The following YARS2 variants were observed in gnomAD, a reference collection of about 807,000 sequenced individuals.
The protein encoded by YARS2 is tyrosine--tRNA ligase, mitochondrial.
A neutral mutation model predicts 45.0 loss-of-function variants in YARS2; 38 were observed. The observed-to-expected ratio is 0.84, with a 90% CI of 0.65 to 1.11. The LOEUF (loss-of-function observed/expected upper bound fraction) is 1.11. Among genes scored for constraint, YARS2 ranks in the 50% least tolerant of loss-of-function variants. YARS2 has a pLI of 0.00. For synonymous variants in YARS2, 287 were observed against 245.1 expected (o/e 1.17, Z -1.60); for missense variants, 602 against 599.8 (o/e 1.00, Z -0.04).
chr12:32,755,303 C>A lies in YARS2; in HGVS notation c.572G>T (p.Gly191Val), dbSNP rs11539445. The change falls in exon 1 of 5, where the codon GGT becomes GTT. Residue 191 changes from glycine to valine, a missense_variant. Physicochemically the swap from Gly to Val is moderately radical, Grantham distance 109. Transcript: ENST00000324868. ...CAGCAGCGTCCCCATGCGGAAGTGA[C>A]CCCCCACTGCCGCCAGGAAGTCCAC... ...HLVDFLAAVG[G>V]HFRMGTLLSR... 0.13 allele frequency: 217,629 copies of A among 1,613,962 alleles called. 15,104 individuals carry two copies. The highest frequency in any genetic ancestry group is 0.18 in the Middle Eastern group (1,092 of 6,060).
rs1955705399 is a variant in YARS2 at position 32,749,884 on chromosome 12, C to A, written c.1274+53G>T. ...GAGCCACTTCTCCTGGCCTTGTGAA[C>A]TGTAACATTTAATGGTGAATTAACT... On this transcript the variant is annotated intron_variant, in intron 4 of 4. Transcript: ENST00000324868. 7 of 1,604,714 alleles carry A rather than the reference C, an allele frequency of 4.4e-6. 1 individual carries two copies. In the South Asian group the frequency reaches 5.5e-5, roughly 13 times the overall value.
chr12:32,752,745 A>AT, intron 2 of YARS2: 2 of 258,710 alleles, frequency 7.7e-6, no homozygotes, highest in Non-Finnish European at 1.5e-5. Flanking sequence ...TGCCTCAAAA[A>AT]AAAAAAAAAA....
In YARS2 at chr12:32,750,062, G is replaced by T; in HGVS notation, c.1149C>A (p.Val383=). The T allele has an allele frequency of 6.2e-7, 1 of 1,614,068 alleles. No individual in the cohort carries two copies. The highest frequency in any genetic ancestry group is 1.1e-5 in the South Asian group (1 of 91,060). Residue 383 remains valine, a synonymous_variant, in exon 4 of 5, where the codon GTC becomes GTA. Coordinates refer to ENST00000324868, the MANE Select transcript of YARS2 (RefSeq NM_001040436.3). ...LYHSSIDALE[V]MSDQELKELF... ...ACTCTTTTAACTCCTGATCAGACAT[G>T]ACCTCCAGTGCATCTATGCTACTGT... is the stretch of plus-strand genomic sequence containing the variant.
chr12:32,747,426 A>C (rs1006989781), intron 4 of YARS2, 63 bp from the exon 5 acceptor site: 4 of 1,560,794 alleles, frequency 2.6e-6, no homozygotes, highest in South Asian at 1.1e-5. Flanking sequence ...TCCCCCAAAA[A>C]AGACTGTTTC....
Position 32,755,866 on chromosome 12 carries a change from C to T in YARS2, c.9G>A (p.Ala3=), listed in dbSNP as rs748598977. The T allele has an allele frequency of 6.2e-7, 1 of 1,613,148 alleles. No homozygotes were observed. The highest frequency in any genetic ancestry group is 8.5e-7 in the Non-Finnish European group (1 of 1,180,024). The stretch of plus-strand genomic sequence containing the variant: ...CCCAGGAAAAGGACCGCAAGATGGG[C>T]GCCGCCATCTTGGTAGCGGCACGAA... MA[A]PILRSFSWGR... is the part of the protein sequence containing the mutation. Residue 3 remains alanine, a synonymous_variant, in exon 1 of 5, where the codon GCG becomes GCA. Coordinates refer to ENST00000324868, the MANE Select transcript of YARS2 (RefSeq NM_001040436.3).
intron 2 of YARS2, among the ~76,000 whole-genome samples, chr12:32,751,775 TG>T (rs533614562): frequency 1.0e-3 from 159 of 152,282 alleles, no homozygotes; most frequent in Non-Finnish European, 2.0e-3. Flanking sequence ...TGTGCTCCTA[TG>T]AGAATCTAAT....
In YARS2 at chr12:32,750,835, A is replaced by C. The variant is rs774823989; in HGVS notation, c.987T>G (p.Ile329Met). ...KLFTFLPLPE[I>M]DHIMQLHVKE... is the part of the protein sequence containing the mutation. Reference sequence around the variant, plus strand: ...TGACATGCAGCTGCATGATATGATCAATCTCTGGAAGGGGCAGGAAAGTGA... The same window carrying C: ...TGACATGCAGCTGCATGATATGATCCATCTCTGGAAGGGGCAGGAAAGTGA... The change falls in exon 3 of 5, where the codon ATT becomes ATG. Residue 329 changes from isoleucine to methionine, a missense_variant. By Grantham distance (10) the Ile-to-Met change is conservative. Coordinates refer to ENST00000324868, the MANE Select transcript of YARS2 (RefSeq NM_001040436.3). 7.4e-6 allele frequency: 12 copies of C among 1,614,020 alleles called. No homozygotes were observed. Among genetic ancestry groups the C allele is most frequent in the South Asian group, 5.5e-5 (5 of 91,090 alleles).
At chr12:32,749,812 C>T (rs1445239068) in intron 4 of YARS2, 125 bp downstream of exon 4, 13 of 1,095,186 alleles carry the variant, frequency 1.2e-5, no homozygotes, top group East Asian at 4.8e-5. Context: ...CTCCTGACCT[C>T]GTGATCTGCC....
intron 4 of YARS2, 79 bp downstream of exon 4, chr12:32,749,858 T>A: frequency 6.4e-7 from 1 of 1,555,828 alleles, no homozygotes; most frequent in East Asian, 2.2e-5. Context: ...ATTACAGGCA[T>A]GAGCCACTTC....
intron 2 of YARS2, 85 bp from the exon 3 acceptor site, chr12:32,750,959 C>T: frequency 6.7e-7 from 1 of 1,495,630 alleles, no homozygotes; most frequent in Non-Finnish European, 9.1e-7. Flanking sequence ...GGTTATCCTG[C>T]TTACTTTTAA....
rs146592186 is a variant in YARS2 at position 32,750,874 on chromosome 12, C to A, written c.948G>T (p.Arg316Ser). The A allele has an allele frequency of 3.2e-5, 51 of 1,613,632 alleles. No individual in the cohort carries two copies. Among genetic ancestry groups the A allele is most frequent in the Non-Finnish European group, 4.2e-5 (50 of 1,179,928 alleles). ...FVRQPDDSVE[R>S]YLKLFTFLPL... ...GCAGGAAAGTGAACAGCTTCAGGTA[C>A]CTTTGAGACAAAAAATAAAGAGTTA... Residue 316 changes from arginine (R) to serine (S), a missense_variant and splice_region_variant, in exon 3 of 5, where the codon AGG (arginine) becomes AGT (serine). Arg to Ser is a moderately radical substitution (Grantham distance 110). Transcript: ENST00000324868.
chr12:32,754,992 A>C, intron 1 of YARS2, 104 bp downstream of exon 1: 1 of 1,455,140 alleles, frequency 6.9e-7, no homozygotes, highest in South Asian at 1.1e-5. Flanking sequence ...AACCAACAAG[A>C]GCTGGAACGA....
At chr12:32,749,285 T>C (rs184485183) in intron 4 of YARS2, among the ~76,000 whole-genome samples, 779 of 152,306 alleles carry the variant, frequency 5.1e-3, no homozygotes, top group Non-Finnish European at 9.9e-3. Context: ...CCTCTGTTTC[T>C]GCATCCCTCT....
Position 32,755,772 on chromosome 12 carries a change from C to T in YARS2, c.103G>A (p.Ala35Thr), listed in dbSNP as rs745431455. The change falls in exon 1 of 5, where the codon GCT (alanine) becomes ACT (threonine). Residue 35 changes from alanine to threonine, a missense_variant. By Grantham distance (58) the Ala-to-Thr change is moderately conservative. Transcript: ENST00000324868. Reference protein sequence around the residue: ...PLGLRKAHSGAQGLLAAQKAR... With the variant: ...PLGLRKAHSGTQGLLAAQKAR... ...TTCTGCGCTGCCAGTAACCCCTGAG[C>T]GCCCGAGTGGGCCTTACGCAGCCCC... 4.3e-6 allele frequency: 7 copies of T among 1,613,964 alleles called. No homozygotes were observed. The Admixed American group carries it at 8.3e-5, about 19-fold the overall frequency.
At chr12:32,748,465 T>TA (rs533769964) in intron 4 of YARS2, among the ~76,000 whole-genome samples, 3,626 of 149,598 alleles carry the variant, frequency 0.024, 68 homozygotes, top group South Asian at 0.068. Flanking sequence ...TATATAATAT[T>TA]AAAAAAAAAA....
intron 1 of YARS2, among the ~76,000 whole-genome samples, chr12:32,754,528 G>A (rs1592713825): frequency 6.6e-6 from 1 of 152,130 alleles, no homozygotes; most frequent in East Asian, 1.9e-4. Context: ...AAAACTTTTT[G>A]AGATACCAAC....
At chr12:32,750,668 T>C in intron 3 of YARS2, 51 bp downstream of exon 3, 1 of 1,606,688 alleles carries the variant, frequency 6.2e-7, no homozygotes, top group Admixed American at 1.7e-5. Flanking sequence ...TTTTCTCATG[T>C]CTATCCACTG....
chr12:32,748,392 G>A (rs1044578481), intron 4 of YARS2, among the ~76,000 whole-genome samples: 3 of 152,006 alleles, frequency 2.0e-5, no homozygotes, highest in African/African-American at 7.2e-5. Flanking sequence ...ATTATTTTAC[G>A]CTGTCTGCTA....
intron 4 of YARS2, among the ~76,000 whole-genome samples, chr12:32,748,529 T>C (rs1955682952): frequency 6.6e-6 from 1 of 152,166 alleles, no homozygotes; most frequent in Admixed American, 6.5e-5. Flanking sequence ...TTTTTAGTAG[T>C]GGTAAAGCTT....
Sources: gnomAD v4.1 joint callset for allele counts (sites outside exome capture counted in the v4.1 genomes callset) on GRCh38, gnomAD v4.1.1 for gene constraint, MANE v1.5 for transcripts, NCBI Gene and HGNC (gene_info 2026-07-23, HGNC 2026-07-21) for gene names.